Variants in NDUFAF6 observed in about 807,000 individuals in gnomAD.
The protein encoded by NDUFAF6 is NADH:ubiquinone oxidoreductase complex assembly factor 6.
A neutral mutation model predicts 40.8 loss-of-function variants in NDUFAF6; 45 were observed. The ratio of observed to expected loss-of-function variants is 1.10; its 90% CI spans 0.87 to 1.42. The LOEUF is 1.42. NDUFAF6 is among the 40% of genes most tolerant of loss of function. The probability of loss-of-function intolerance (pLI) is 0.00; values close to 1 mark genes in which losing one functional copy is unlikely to be tolerated. For missense variants in NDUFAF6, 435 were observed against 418.5 expected, an observed-to-expected ratio of 1.04 and a Z score of -0.34; for synonymous variants, 185 against 155.9, an observed-to-expected ratio of 1.19 and a Z score of -1.39.
chr8:94,950,609 G>T (rs894517859), intron 2 of NDUFAF6, among the ~76,000 whole-genome samples: 1 of 152,202 alleles, frequency 6.6e-6, no homozygotes, highest in Non-Finnish European at 1.5e-5. Context: ...AAATATGATG[G>T]TCATTGGACC....
At chr8:95,030,663 A>G (rs1828719448) in intron 1 of NDUFAF6, among the ~76,000 whole-genome samples, 1 of 152,214 alleles carries the variant, frequency 6.6e-6, no homozygotes, top group Non-Finnish European at 1.5e-5. Context: ...GCTCAAGAAA[A>G]TGTTTCAGAC....
chr8:94,992,099 C>CAGCAATGT (rs1233092947), intron 2 of NDUFAF6, among the ~76,000 whole-genome samples: 1 of 152,130 alleles, frequency 6.6e-6, no homozygotes, highest in Non-Finnish European at 1.5e-5. Context: ...TTGTACTACC[C>CAGCAATGT]AGCAATGTAT....
chr8:95,071,562 C>T (rs1378398298), intron 9 of NDUFAF6, among the ~76,000 whole-genome samples: 2 of 152,196 alleles, frequency 1.3e-5, no homozygotes, highest in Non-Finnish European at 1.5e-5. Context: ...GAGCCGACCC[C>T]AGTAACCTTT....
chr8:94,918,138 C>G (rs1174058844), intron 1 of NDUFAF6, among the ~76,000 whole-genome samples: 1 of 152,148 alleles, frequency 6.6e-6, no homozygotes, highest in Non-Finnish European at 1.5e-5. Flanking sequence ...ACTCAAACTT[C>G]TAAGTGCACC....
At chr8:94,971,497 T>A (rs895442146) in intron 1 of NDUFAF6, among the ~76,000 whole-genome samples, 1 of 152,188 alleles carries the variant, frequency 6.6e-6, no homozygotes, top group Non-Finnish European at 1.5e-5. Context: ...AGCCCCACTC[T>A]TTGGCAATGA....
chr8:95,032,137 A>G, intron 2 of NDUFAF6, 43 bp downstream of exon 2: 1 of 1,501,540 alleles, frequency 6.7e-7, no homozygotes. Flanking sequence ...CGAAATGGTG[A>G]TATAAGGTGT....
chr8:94,933,053 C>A (rs887779812), intron 1 of NDUFAF6, among the ~76,000 whole-genome samples: 1 of 151,996 alleles, frequency 6.6e-6, no homozygotes, highest in African/African-American at 2.4e-5. Flanking sequence ...CCCATCTTTA[C>A]TTAAAATACA....
At chr8:95,000,889 A>G (rs1826697913) in intron 2 of NDUFAF6, among the ~76,000 whole-genome samples, 1 of 151,630 alleles carries the variant, frequency 6.6e-6, no homozygotes, top group Non-Finnish European at 1.5e-5. Context: ...ATAAGCCAAG[A>G]TTGCACCATT....
At chr8:94,904,320 C>CTTTTTTTTTTTTTTTTTTTTTTT (rs57749627) in intron 1 of NDUFAF6, among the ~76,000 whole-genome samples, 3 of 34,134 alleles carry the variant, frequency 8.8e-5, no homozygotes, top group African/African-American at 3.0e-4. Context: ...ATTTTTTTTG[C>CTTTTTTTTTTTTTTTTTTTTTTT]TTTTTTTTTT....
At chr8:95,035,238 ATTAC>A (rs1369821846) in intron 2 of NDUFAF6, among the ~76,000 whole-genome samples, 1 of 148,984 alleles carries the variant, frequency 6.7e-6, no homozygotes, top group African/African-American at 2.4e-5. Flanking sequence ...CTTTTTAAAA[ATTAC>A]TTAAAGAATG....
chr8:95,102,571 G>C (rs1446443012), intron 2 of NDUFAF6, among the ~76,000 whole-genome samples: 1 of 152,180 alleles, frequency 6.6e-6, no homozygotes, highest in Non-Finnish European at 1.5e-5. Flanking sequence ...GAACTTGCTA[G>C]AAATCTATTC....
At chr8:95,040,444 C>G (rs1265839242) in intron 3 of NDUFAF6, among the ~76,000 whole-genome samples, 1 of 152,154 alleles carries the variant, frequency 6.6e-6, no homozygotes, top group Non-Finnish European at 1.5e-5. Context: ...TGCAAATATC[C>G]TGCTCCTCAT....
chr8:94,980,840 C>T, intron 1 of NDUFAF6: 1 of 434,016 alleles, frequency 2.3e-6, no homozygotes, highest in Non-Finnish European at 4.7e-6. Context: ...TCAAGACTAC[C>T]TTGTATTTGT....
At chr8:95,088,738 G>GTGTT in intron 2 of NDUFAF6, among the ~76,000 whole-genome samples, 2 of 35,340 alleles carry the variant, frequency 5.7e-5, no homozygotes, top group African/African-American at 2.2e-4. Context: ...TTTTCTTTTT[G>GTGTT]TTTTCTTGTT....
chr8:95,022,346 C>T (rs191575768), upstream of NDUFAF6, among the ~76,000 whole-genome samples: 152 of 151,082 alleles, frequency 1.0e-3, no homozygotes, highest in African/African-American at 3.7e-3. Context: ...GAAGGACTAG[C>T]CCTACTAGAT....
chr8:95,083,797 A>G (rs1808954963), intron 2 of NDUFAF6, among the ~76,000 whole-genome samples: 1 of 152,228 alleles, frequency 6.6e-6, no homozygotes. Flanking sequence ...ATACGAAAAT[A>G]TCTGTGATTT....
At chr8:95,070,233 T>C (rs1444884150) in intron 9 of NDUFAF6, among the ~76,000 whole-genome samples, 1 of 152,202 alleles carries the variant, frequency 6.6e-6, no homozygotes, top group Non-Finnish European at 1.5e-5. Context: ...CTCCGTGCCT[T>C]CATTTTCTCA....
chr8:95,062,716 T>G (rs1178367017), downstream of NDUFAF6, among the ~76,000 whole-genome samples: 1 of 152,250 alleles, frequency 6.6e-6, no homozygotes, highest in Admixed American at 6.5e-5. Flanking sequence ...AAAATGCCTG[T>G]TGTCTTTTAA....
At chr8:94,974,365 C>G (rs1032758078) in intron 1 of NDUFAF6, among the ~76,000 whole-genome samples, 2 of 152,070 alleles carry the variant, frequency 1.3e-5, no homozygotes, top group Non-Finnish European at 2.9e-5. Flanking sequence ...TGGCCTTTAC[C>G]TCACCTACTT....
Sources: gnomAD v4.1 joint callset for allele counts (sites outside exome capture counted in the v4.1 genomes callset) on GRCh38, gnomAD v4.1.1 for gene constraint, MANE v1.5 for transcripts, NCBI Gene and HGNC (gene_info 2026-07-23, HGNC 2026-07-21) for gene names.